The following PTPN5 variants were observed in gnomAD, a reference collection of about 807,000 sequenced individuals.
PTPN5 encodes tyrosine-protein phosphatase non-receptor type 5.
PTPN5 carries 29 observed loss-of-function variants against 73.9 expected under a neutral mutation model. The observed-to-expected ratio is 0.39, with a 90% CI of 0.29 to 0.54. The LOEUF is 0.54. Among genes scored for constraint, PTPN5 ranks in the 20% least tolerant of loss-of-function variants. PTPN5 has a pLI of 0.65. For missense variants in PTPN5, 652 were observed against 751.4 expected (o/e 0.87, Z 1.55); for synonymous variants, 267 against 304.7 (o/e 0.88, Z 1.29).
intron 2 of PTPN5, among the ~76,000 whole-genome samples, chr11:18,770,287 A>G (rs530927265): frequency 6.6e-6 from 1 of 152,316 alleles, no homozygotes; most frequent in East Asian, 1.9e-4. Flanking sequence ...GTACTCATTA[A>G]GGAGTCACTC....
intron 1 of PTPN5, among the ~76,000 whole-genome samples, chr11:18,775,092 C>T (rs921438510): frequency 2.0e-5 from 3 of 152,146 alleles, no homozygotes; most frequent in East Asian, 1.9e-4. Context: ...CCTGGAGGAA[C>T]GTACTAACGT....
chr11:18,775,384 CAG>C (rs1851099654), intron 1 of PTPN5, among the ~76,000 whole-genome samples: 1 of 152,312 alleles, frequency 6.6e-6, no homozygotes, highest in African/African-American at 2.4e-5. Context: ...AACTAAGGCT[CAG>C]GGGGTGAAGT....
chr11:18,731,095 C>T (rs925156370), intron 12 of PTPN5, among the ~76,000 whole-genome samples: 7 of 151,370 alleles, frequency 4.6e-5, no homozygotes, highest in African/African-American at 1.2e-4. Context: ...TCCCTGAGCA[C>T]ATCAGCTGGC....
intron 1 of PTPN5, among the ~76,000 whole-genome samples, chr11:18,777,123 A>G (rs1404649283): frequency 1.3e-5 from 2 of 152,134 alleles, no homozygotes; most frequent in African/African-American, 4.8e-5. Flanking sequence ...ATTGTGCCAC[A>G]GCACTCCAGC....
At position 18,733,588 on chromosome 11, in the gene PTPN5, G is replaced by A; in HGVS notation, c.1048C>T (p.Leu350=). 1 of 1,614,254 alleles carries A rather than the reference G, an allele frequency of 6.2e-7. No homozygotes were observed. The highest frequency in any genetic ancestry group is 2.2e-5 in the East Asian group (1 of 44,888). The change falls in exon 10 of 15, where the codon CTG becomes TTG. Residue 350 remains leucine (L), a synonymous_variant. Coordinates refer to ENST00000358540, the MANE Select transcript of PTPN5 (RefSeq NM_006906.2). This position sits in a 1 kb window ranked among gnomAD's most constrained non-coding sequence, Gnocchi z 4.3. Reference sequence around the variant, plus strand: ...TAGTTGGCATTGATGTAGGAACTCAGAGGGTCGTCAGGGTCTGGTGAGGTC... The same window carrying A: ...TAGTTGGCATTGATGTAGGAACTCAAAGGGTCGTCAGGGTCTGGTGAGGTC... ...CLTSPDPDDP[L]SSYINANYIR... is the part of the protein sequence containing the mutation.
chr11:18,740,468 G>T, intron 8 of PTPN5, 135 bp downstream of exon 8: 1 of 750,138 alleles, frequency 1.3e-6, no homozygotes, highest in African/African-American at 1.8e-5. Context: ...GCCCAAGATG[G>T]TGGGAGAGCT....
intron 9 of PTPN5, among the ~76,000 whole-genome samples, chr11:18,735,841 G>A (rs77825384): frequency 6.6e-6 from 1 of 152,140 alleles, no homozygotes; most frequent in Admixed American, 6.5e-5. Context: ...TTAAGGAAGA[G>A]AATGACACAA....
intron 1 of PTPN5, among the ~76,000 whole-genome samples, chr11:18,788,193 A>G: frequency 6.6e-6 from 1 of 152,070 alleles, no homozygotes; most frequent in African/African-American, 2.4e-5. Context: ...AACCACCCCC[A>G]GTCCATACTC....
At chr11:18,765,756 T>C (rs1213038583) in intron 3 of PTPN5, 51 bp downstream of exon 3, 2 of 1,286,938 alleles carry the variant, frequency 1.6e-6, no homozygotes, top group Non-Finnish European at 2.2e-6. Flanking sequence ...AGCCGGGGCA[T>C]TGTCTCTCCA....
intron 1 of PTPN5, among the ~76,000 whole-genome samples, chr11:18,786,709 A>T (rs1851689808): frequency 6.6e-6 from 1 of 152,158 alleles, no homozygotes; most frequent in East Asian, 1.9e-4. Context: ...AGATCCTGTG[A>T]TTCTAAGACT....
chr11:18,764,997 C>A (rs1041050087), intron 3 of PTPN5, among the ~76,000 whole-genome samples: 7 of 152,166 alleles, frequency 4.6e-5, no homozygotes, highest in African/African-American at 1.4e-4. Flanking sequence ...CAGGCATGAG[C>A]CACCGCACCT....
chr11:18,783,858 A>G (rs1851551575), intron 1 of PTPN5, among the ~76,000 whole-genome samples: 1 of 152,132 alleles, frequency 6.6e-6, no homozygotes, highest in African/African-American at 2.4e-5. Context: ...TCCACCCACT[A>G]AGATCTCTCC....
intron 1 of PTPN5, among the ~76,000 whole-genome samples, chr11:18,775,189 C>G (rs1354277310): frequency 1.3e-5 from 2 of 152,226 alleles, no homozygotes; most frequent in Non-Finnish European, 2.9e-5. Flanking sequence ...CACAGAACTT[C>G]CCCCATTGCC....
intron 3 of PTPN5, among the ~76,000 whole-genome samples, chr11:18,756,002 TA>T (rs532445728): frequency 6.4e-4 from 73 of 113,222 alleles, no homozygotes; most frequent in African/African-American, 7.3e-4. Context: ...AGACTCTAAA[TA>T]AAAAAAAAAA....
rs753652804 is a variant in PTPN5, at chr11:18,738,695, C to T, written c.916-731G>A. 5.9e-5 allele frequency among the ~76,000 whole-genome samples: 9 copies of T among 152,098 alleles called. No individual in the cohort carries two copies. The South Asian group carries it at 6.2e-4, about 11-fold the overall frequency. ...CCACCCTTTAAAGTTCACCTCTGCC[C>T]GGGCGCGGTGGCTCACGCCTGTAAT... is the stretch of plus-strand genomic sequence containing the variant. On this transcript the variant is annotated intron_variant, in intron 8 of 14. Coordinates refer to ENST00000358540, the MANE Select transcript of PTPN5 (RefSeq NM_006906.2).
At chr11:18,751,380 C>T (rs913999216) in intron 3 of PTPN5, among the ~76,000 whole-genome samples, 1 of 152,156 alleles carries the variant, frequency 6.6e-6, no homozygotes, top group African/African-American at 2.4e-5. Context: ...CAACACTGAC[C>T]GATAGGACTC....
At chr11:18,775,458 A>C (rs34083716) in intron 1 of PTPN5, among the ~76,000 whole-genome samples, 4,979 of 152,250 alleles carry the variant, frequency 0.033, 139 homozygotes, top group African/African-American at 0.076. Context: ...CTTGCTTGGG[A>C]TCACTGCTGT....
At chr11:18,765,410 C>T (rs564412824) in intron 3 of PTPN5, among the ~76,000 whole-genome samples, 2 of 152,126 alleles carry the variant, frequency 1.3e-5, no homozygotes, top group Non-Finnish European at 2.9e-5. Context: ...TCAGGTAGTT[C>T]TCCACATCCC....
At chr11:18,775,879 A>G (rs1437518878) in intron 1 of PTPN5, among the ~76,000 whole-genome samples, 1 of 152,210 alleles carries the variant, frequency 6.6e-6, no homozygotes, top group Non-Finnish European at 1.5e-5. Flanking sequence ...GGGCGCTCAC[A>G]GCATCAGGGA....
Sources: gnomAD v4.1 joint callset for allele counts (sites outside exome capture counted in the v4.1 genomes callset) on GRCh38, gnomAD v4.1.1 for gene constraint, Gnocchi (gnomAD v3.1) non-coding constraint, MANE v1.5 for transcripts, NCBI Gene and HGNC (gene_info 2026-07-23, HGNC 2026-07-21) for gene names.